CCDC171: variants seen among roughly 807,000 people sequenced by gnomAD.
CCDC171 encodes the protein coiled-coil domain-containing protein 171.
A neutral mutation model predicts 168.2 loss-of-function variants in CCDC171; 177 were observed. The observed-to-expected ratio is 1.05, with a 90% confidence interval of 0.93 to 1.19. The LOEUF (loss-of-function observed/expected upper bound fraction) is 1.19, where lower values mean the gene tolerates loss of function less well. CCDC171 is among the 50% of genes most tolerant of loss of function. The pLI, the probability that CCDC171 is intolerant of heterozygous loss-of-function variation, is 0.00. For missense variants in CCDC171, 1,991 were observed against 1,539.0 expected, an observed-to-expected ratio of 1.29 and a Z score of -4.91; for synonymous variants, 687 against 540.8, an observed-to-expected ratio of 1.27 and a Z score of -3.75.
At chr9:15,589,053 CGTT>C (rs1399144467) in intron 4 of CCDC171, among the ~76,000 whole-genome samples, 14 of 151,802 alleles carry the variant, frequency 9.2e-5, no homozygotes, top group East Asian at 1.9e-4. Flanking sequence ...CAGAAAACGT[CGTT>C]GTTTTTTGAG....
chr9:15,623,411 G>C lies in CCDC171; in HGVS notation c.820G>C (p.Glu274Gln). The C allele has an allele frequency of 6.3e-7, 1 of 1,587,392 alleles. No individual in the cohort carries two copies. Among genetic ancestry groups the C allele is most frequent in the Non-Finnish European group, 8.6e-7 (1 of 1,165,208 alleles). Reference sequence around the variant, plus strand: ...AGAGGAACGCCTTAGAAAAGAATTTGAGGTACATTTTCTCATTCCTTTATA... The same window carrying C: ...AGAGGAACGCCTTAGAAAAGAATTTCAGGTACATTTTCTCATTCCTTTATA... ...QREERLRKEF[E>Q]ATTLRVRKLE... The change falls in exon 7 of 26, where the codon GAG (glutamate) becomes CAG (glutamine). Residue 274 changes from glutamate (E) to glutamine (Q), a missense_variant and splice_region_variant. Transcript: ENST00000380701.
intron 24 of CCDC171, among the ~76,000 whole-genome samples, chr9:15,905,137 T>C (rs1192256158): frequency 2.6e-5 from 4 of 152,112 alleles, no homozygotes; most frequent in Non-Finnish European, 5.9e-5. Context: ...AACAAAGATA[T>C]CCAGGAATTG....
chr9:15,664,248 C>T (rs2048549054), intron 8 of CCDC171, among the ~76,000 whole-genome samples: 1 of 151,864 alleles, frequency 6.6e-6, no homozygotes, highest in Admixed American at 6.6e-5. Flanking sequence ...CACTTTTACA[C>T]CTTAATTTAT....
intron 21 of CCDC171, among the ~76,000 whole-genome samples, chr9:15,838,539 AT>A (rs1404040940): frequency 2.0e-5 from 3 of 152,228 alleles, no homozygotes; most frequent in African/African-American, 7.2e-5. Flanking sequence ...CTTTAAAAAA[AT>A]CTTCCACAAA....
chr9:15,820,247 T>C lies in CCDC171; in HGVS notation c.3268-26455T>C, dbSNP rs1248965542. Among the ~76,000 whole-genome samples the C allele has an allele frequency of 2.6e-5, 3 of 116,286 alleles. 1 individual carries two copies. The highest frequency in any genetic ancestry group is 6.5e-5 in the African/African-American group (2 of 30,910). The allele number at this position is 116,286 out of a possible 152,430, so 76.3% of individuals were successfully genotyped here. ...CCCACAAGAGAAAGCAGAAAAGATC[T>C]AAAATCGACACCCTAACATCACAAT... On this transcript the variant is annotated intron_variant, in intron 21 of 25. Transcript: ENST00000380701.
chr9:16,049,969 C>T (rs537160666), intron 1 of CCDC171, among the ~76,000 whole-genome samples: 2 of 152,314 alleles, frequency 1.3e-5, no homozygotes, highest in Non-Finnish European at 1.5e-5. Flanking sequence ...TCACTGCAAC[C>T]TCTGCCTCCC....
intron 7 of CCDC171, among the ~76,000 whole-genome samples, chr9:15,623,815 A>G (rs1008471294): frequency 6.6e-6 from 1 of 152,198 alleles, no homozygotes; most frequent in African/African-American, 2.4e-5. Context: ...TGTAGTTTGA[A>G]TCATGTATGG....
intron 3 of CCDC171, among the ~76,000 whole-genome samples, chr9:16,007,612 A>C (rs568427606): frequency 1.3e-5 from 2 of 152,314 alleles, no homozygotes; most frequent in South Asian, 2.1e-4. Context: ...TTTTAGTATA[A>C]GGTGTAAGGA....
At chr9:15,979,136 T>C (rs1322202025) in intron 3 of CCDC171, among the ~76,000 whole-genome samples, 1 of 152,212 alleles carries the variant, frequency 6.6e-6, no homozygotes, top group East Asian at 1.9e-4. Flanking sequence ...TCATTCACCA[T>C]TTAATTGACT....
chr9:15,964,824 G>C (rs1387758154), intron 25 of CCDC171, among the ~76,000 whole-genome samples: 1 of 152,116 alleles, frequency 6.6e-6, no homozygotes, highest in Non-Finnish European at 1.5e-5. Context: ...GCAATGGCGC[G>C]ATCTCAGCTC....
intron 4 of CCDC171, among the ~76,000 whole-genome samples, chr9:15,590,525 G>T (rs971719967): frequency 6.6e-6 from 1 of 152,178 alleles, no homozygotes; most frequent in African/African-American, 2.4e-5. Context: ...GTGTTGATAG[G>T]TGTTGGTTAT....
intron 11 of CCDC171, among the ~76,000 whole-genome samples, chr9:15,707,217 A>G (rs534491483): frequency 1.1e-3 from 168 of 152,268 alleles, no homozygotes; most frequent in African/African-American, 3.5e-3. Context: ...GCCGCACTTC[A>G]TTATACTCAT....
At chr9:15,884,902 G>GT (rs375435248) in intron 24 of CCDC171, among the ~76,000 whole-genome samples, 33 of 152,298 alleles carry the variant, frequency 2.2e-4, no homozygotes, top group African/African-American at 7.2e-4. Context: ...AGGTTTTAGT[G>GT]TTTTGACTTT....
At chr9:15,906,278 A>C (rs1822588535) in intron 24 of CCDC171, among the ~76,000 whole-genome samples, 1 of 152,226 alleles carries the variant, frequency 6.6e-6, no homozygotes, top group Non-Finnish European at 1.5e-5. Context: ...TCCTCAATAA[A>C]ATACTGGCAA....
chr9:15,936,222 C>T (rs1827099938), intron 25 of CCDC171, among the ~76,000 whole-genome samples: 1 of 151,778 alleles, frequency 6.6e-6, no homozygotes, highest in South Asian at 2.1e-4. Context: ...TTTTTTCTTT[C>T]TTAATAACAG....
intron 18 of CCDC171, among the ~76,000 whole-genome samples, chr9:15,769,234 A>C (rs1388158707): frequency 6.6e-6 from 1 of 152,198 alleles, no homozygotes; most frequent in Non-Finnish European, 1.5e-5. Context: ...GCATGATAGT[A>C]TATTGTCATT....
chr9:15,625,498 G>C (rs940055428), intron 7 of CCDC171, among the ~76,000 whole-genome samples: 6 of 152,132 alleles, frequency 3.9e-5, no homozygotes, highest in Non-Finnish European at 8.8e-5. Flanking sequence ...TTTGTATAAG[G>C]TGTAAGGAAG....
intron 22 of CCDC171, among the ~76,000 whole-genome samples, chr9:15,847,950 G>A (rs1308466863): frequency 6.6e-6 from 1 of 151,974 alleles, no homozygotes; most frequent in African/African-American, 2.4e-5. Context: ...CATCTGAGGT[G>A]TATGTTTTTG....
intron 3 of CCDC171, among the ~76,000 whole-genome samples, chr9:15,997,901 A>G (rs1312097342): frequency 6.6e-6 from 1 of 151,794 alleles, no homozygotes; most frequent in Admixed American, 6.6e-5. Context: ...CAGAATCTCT[A>G]CCTCCCTCTG....
Sources: allele counts gnomAD v4.1 joint callset (sites outside exome capture counted in the v4.1 genomes callset), GRCh38; gene constraint gnomAD v4.1.1; transcripts MANE v1.5; gene names NCBI Gene and HGNC (gene_info 2026-07-23, HGNC 2026-07-21).